Variants in ALK observed in about 807,000 individuals in gnomAD.
ALK encodes the protein ALK tyrosine kinase receptor.
ALK carries 74 observed loss-of-function variants against 163.1 expected under a neutral mutation model. That is an observed-to-expected ratio of 0.45 (90% confidence interval 0.38 to 0.55). The LOEUF is 0.55. Among genes scored for constraint, ALK ranks in the 20% least tolerant of loss-of-function variants. ALK has a pLI of 0.00. For synonymous variants in ALK, 960 were observed against 843.2 expected (o/e 1.14, Z -2.40); for missense variants, 2,063 against 2,105.3 (o/e 0.98, Z 0.39).
chr2:29,437,106 A>G (rs543960709), intron 4 of ALK, among the ~76,000 whole-genome samples: 10 of 152,168 alleles, frequency 6.6e-5, no homozygotes, highest in Admixed American at 5.9e-4. Context: ...AGCGGAAATC[A>G]CTCGATCCAT....
At chr2:29,495,425 C>T (rs1672000526) in intron 4 of ALK, among the ~76,000 whole-genome samples, 1 of 152,192 alleles carries the variant, frequency 6.6e-6, no homozygotes, top group African/African-American at 2.4e-5. Flanking sequence ...ACCTTCTCTA[C>T]AAAACTCTTC....
intron 4 of ALK, among the ~76,000 whole-genome samples, chr2:29,436,884 T>TC (rs1360438301): frequency 6.6e-6 from 1 of 152,080 alleles, no homozygotes; most frequent in Admixed American, 6.6e-5. Context: ...CTGGAATCCT[T>TC]CCCCTCAAAC....
intron 4 of ALK, among the ~76,000 whole-genome samples, chr2:29,451,558 A>C (rs1224556573): frequency 6.6e-6 from 1 of 152,076 alleles, no homozygotes; most frequent in Non-Finnish European, 1.5e-5. Context: ...CTCATATCAA[A>C]CTTCCATTGG....
At chr2:29,591,862 G>A (rs768302411) in intron 3 of ALK, among the ~76,000 whole-genome samples, 17 of 152,054 alleles carry the variant, frequency 1.1e-4, no homozygotes, top group Admixed American at 1.3e-4. Flanking sequence ...CTTCTGGGCC[G>A]TCACTGGCAT....
rs547220866 is a variant in ALK, at chr2:29,401,191, G to A, written c.1155-17332C>T. The stretch of plus-strand genomic sequence containing the variant: ...CACCTGATCAAGTTGGGCCTTCGAG[G>A]AGCAAGCTGCTCTTCTCTCCTCTCC... On this transcript the variant is annotated intron_variant, in intron 4 of 28. Coordinates refer to ENST00000389048, the MANE Select transcript of ALK (RefSeq NM_004304.5). Among the ~76,000 whole-genome samples the A allele has an allele frequency of 3.9e-5, 6 of 152,260 alleles. No individual in the cohort carries two copies. In the South Asian group the frequency reaches 1.2e-3, roughly 32 times the overall value.
At chr2:29,805,330 G>T (rs1033337853) in intron 1 of ALK, among the ~76,000 whole-genome samples, 8 of 152,152 alleles carry the variant, frequency 5.3e-5, no homozygotes, top group Admixed American at 5.2e-4. Flanking sequence ...TTGGATACAT[G>T]TGCAGGACAT....
intron 4 of ALK, among the ~76,000 whole-genome samples, chr2:29,432,726 G>A (rs543403952): frequency 6.6e-6 from 1 of 150,410 alleles, no homozygotes; most frequent in South Asian, 2.1e-4. Flanking sequence ...TAAACTAGAT[G>A]TAGCCTTTTC....
chr2:29,587,153 G>C (rs781119999), intron 3 of ALK, among the ~76,000 whole-genome samples: 6 of 152,210 alleles, frequency 3.9e-5, no homozygotes, highest in Admixed American at 6.5e-5. Flanking sequence ...TTTCCCCTTG[G>C]GGGAGGGGTA....
At chr2:29,802,018 T>C (rs1664478424) in intron 1 of ALK, among the ~76,000 whole-genome samples, 2 of 152,132 alleles carry the variant, frequency 1.3e-5, no homozygotes, top group South Asian at 4.2e-4. Flanking sequence ...AATCTACCTC[T>C]TGTTCTGTAA....
chr2:29,590,453 C>T (rs149298650), intron 3 of ALK, among the ~76,000 whole-genome samples: 1 of 152,230 alleles, frequency 6.6e-6, no homozygotes, highest in Non-Finnish European at 1.5e-5. Context: ...GGTTCCTGAA[C>T]CTTCTCCTAG....
At chr2:29,890,590 G>A in intron 1 of ALK, 1 of 152,178 alleles carries the variant, frequency 6.6e-6, no homozygotes. Flanking sequence ...TCATCTATTT[G>A]AATGATGTTA....
intron 9 of ALK, among the ~76,000 whole-genome samples, chr2:29,280,588 G>A (rs1665688862): frequency 6.7e-6 from 1 of 150,168 alleles, no homozygotes; most frequent in Non-Finnish European, 1.5e-5. Flanking sequence ...TGGGATTCAG[G>A]GAAAGTTCTA....
intron 9 of ALK, among the ~76,000 whole-genome samples, chr2:29,275,787 G>T (rs186727928): frequency 6.6e-6 from 1 of 152,184 alleles, no homozygotes; most frequent in Non-Finnish European, 1.5e-5. Context: ...AATCTGAGGA[G>T]AAATCTTTTG....
chr2:29,504,773 A>C (rs1224177545), intron 4 of ALK, among the ~76,000 whole-genome samples: 2 of 152,194 alleles, frequency 1.3e-5, no homozygotes, highest in African/African-American at 4.8e-5. Flanking sequence ...GACTGATGCT[A>C]AGCAGAAGAA....
chr2:29,769,638 G>A (rs1680961635), intron 1 of ALK, among the ~76,000 whole-genome samples: 1 of 152,214 alleles, frequency 6.6e-6, no homozygotes, highest in Non-Finnish European at 1.5e-5. Flanking sequence ...TATTAAGCAT[G>A]TGGATGCATC....
At chr2:29,432,043 G>T (rs1234957600) in intron 4 of ALK, among the ~76,000 whole-genome samples, 1 of 152,024 alleles carries the variant, frequency 6.6e-6, no homozygotes, top group Non-Finnish European at 1.5e-5. Flanking sequence ...AAACTTTGAG[G>T]AGAATGCCCC....
In ALK at chr2:29,328,432, C is replaced by A; in HGVS notation, c.1332G>T (p.Trp444Cys). 6.2e-7 allele frequency: 1 copy of A among 1,614,194 alleles called. No individual in the cohort carries two copies. The highest frequency in any genetic ancestry group is 2.2e-5 in the East Asian group (1 of 44,860). ...KMALQSSFTC[W>C]NGTVLQLGQA... The stretch of plus-strand genomic sequence containing the variant: ...GCCCAAGCTGGAGGACTGTCCCATT[C>A]CAACAAGTGAAGGAGCTCTGCAGGG... Residue 444 changes from tryptophan to cysteine, a missense_variant, in exon 6 of 29, where the codon TGG becomes TGT. Coordinates refer to ENST00000389048, the MANE Select transcript of ALK (RefSeq NM_004304.5).
At chr2:29,611,273 G>T (rs6547961) in intron 3 of ALK, among the ~76,000 whole-genome samples, 249 of 152,152 alleles carry the variant, frequency 1.6e-3, no homozygotes, top group Non-Finnish European at 2.9e-3. Flanking sequence ...AGGCTACAGA[G>T]AAGAACTTTC....
chr2:29,703,364 A>T (rs1426973623), intron 2 of ALK, among the ~76,000 whole-genome samples: 1 of 152,168 alleles, frequency 6.6e-6, no homozygotes, highest in Non-Finnish European at 1.5e-5. Flanking sequence ...CTTATTCATC[A>T]AGTGACCTTA....
Sources: allele counts gnomAD v4.1 joint callset (sites outside exome capture counted in the v4.1 genomes callset), GRCh38; gene constraint gnomAD v4.1.1; transcripts MANE v1.5; gene names NCBI Gene and HGNC (gene_info 2026-07-23, HGNC 2026-07-21).